Variants in TRMT11 observed in about 807,000 individuals in gnomAD.
TRMT11 encodes the protein tRNA (guanine(10)-N(2))-methyltransferase TRMT11.
Under a neutral mutation model 62.8 loss-of-function variants are expected in TRMT11, and 53 were observed. That is an observed-to-expected ratio of 0.84 (90% CI 0.68 to 1.06). TRMT11 has a LOEUF of 1.06. Among genes scored for constraint, TRMT11 ranks in the 50% least tolerant of loss-of-function variants. The pLI, the probability that TRMT11 is intolerant of heterozygous loss-of-function variation, is 0.00. For missense variants in TRMT11, 556 were observed against 553.4 expected (o/e 1.00, Z -0.05); for synonymous variants, 188 against 190.3 (o/e 0.99, Z 0.10).
downstream of TRMT11, among the ~76,000 whole-genome samples, chr6:126,206,121 C>A (rs987439279): frequency 6.6e-6 from 1 of 152,190 alleles, no homozygotes; most frequent in Non-Finnish European, 1.5e-5. Flanking sequence ...TCAAAATCTG[C>A]AGTCTAACTT....
At chr6:126,072,136 T>G (rs1051574815) in intron 17 of TRMT11, among the ~76,000 whole-genome samples, 1 of 152,180 alleles carries the variant, frequency 6.6e-6, no homozygotes, top group Non-Finnish European at 1.5e-5. Context: ...GTTAACAGCA[T>G]CTACTAGGAT....
rs370440843 is a variant in TRMT11 at position 126,121,096 on chromosome 6, C to T, written c.*1823+5241C>T. ...TGTGATCTCCCCATCCTTTGAACTT[C>T]CATGGCACACTTATATGGTGTTTTC... On this transcript the variant is annotated intron_variant and NMD_transcript_variant, in intron 21 of 22. Transcript: ENST00000648977. 3.9e-5 allele frequency among the ~76,000 whole-genome samples: 6 copies of T among 152,212 alleles called. No individual in the cohort carries two copies. The South Asian group carries it at 1.2e-3, about 31-fold the overall frequency.
intron 17 of TRMT11, among the ~76,000 whole-genome samples, chr6:126,071,108 C>A (rs561904198): frequency 1.3e-5 from 2 of 152,282 alleles, no homozygotes; most frequent in South Asian, 4.1e-4. Flanking sequence ...TCAGTTCTTT[C>A]CTTCAGAAGT....
chr6:126,092,766 T>C (rs550474551), intron 17 of TRMT11, among the ~76,000 whole-genome samples: 1 of 152,354 alleles, frequency 6.6e-6, no homozygotes, highest in African/African-American at 2.4e-5. Context: ...TTTCTAGAAA[T>C]GTCAGGAATT....
intron 17 of TRMT11, among the ~76,000 whole-genome samples, chr6:126,098,941 A>G (rs556950583): frequency 1.3e-5 from 2 of 152,312 alleles, no homozygotes; most frequent in Admixed American, 6.5e-5. Context: ...AACAAGATCC[A>G]TTAACTCCAC....
chr6:126,057,574 A>G (rs1016507085), intron 17 of TRMT11, among the ~76,000 whole-genome samples: 2 of 152,232 alleles, frequency 1.3e-5, no homozygotes, highest in African/African-American at 2.4e-5. Flanking sequence ...ATTCTGTCCA[A>G]TGAACCAAAC....
At chr6:126,146,053 T>C (rs1034459786) in intron 21 of TRMT11, among the ~76,000 whole-genome samples, 1 of 152,208 alleles carries the variant, frequency 6.6e-6, no homozygotes, top group Non-Finnish European at 1.5e-5. Context: ...TGCAGAATCC[T>C]GGGAGAACTT....
At chr6:126,176,794 C>A (rs1489855959), upstream of TRMT11, among the ~76,000 whole-genome samples, 2 of 152,028 alleles carry the variant, frequency 1.3e-5, no homozygotes, top group Non-Finnish European at 2.9e-5. Context: ...ATGATTGTTA[C>A]AATTCTTCTT....
intron 17 of TRMT11, among the ~76,000 whole-genome samples, chr6:126,071,587 G>A (rs58158424): frequency 0.17 from 25,259 of 151,744 alleles, 6,872 homozygotes; most frequent in African/African-American, 0.57. Flanking sequence ...AGATAATTCA[G>A]TGCAGGCCTG....
At chr6:126,003,233 C>A (rs1205499584) in intron 7 of TRMT11, among the ~76,000 whole-genome samples, 1 of 152,070 alleles carries the variant, frequency 6.6e-6, no homozygotes, top group Non-Finnish European at 1.5e-5. Flanking sequence ...TGGCCTGATA[C>A]AAACTTGTAA....
At chr6:126,051,608 A>T (rs1776220584) in intron 16 of TRMT11, among the ~76,000 whole-genome samples, 2 of 152,162 alleles carry the variant, frequency 1.3e-5, no homozygotes, top group Admixed American at 1.3e-4. Context: ...GTTAGAGAAC[A>T]GTGGTAGTAG....
exon 18 of TRMT11, among the ~76,000 whole-genome samples, chr6:126,112,884 C>T (rs1425158593): frequency 6.6e-6 from 1 of 151,926 alleles, no homozygotes; most frequent in Non-Finnish European, 1.5e-5. Context: ...AACCAAGTCT[C>T]CTTGAATCAG....
downstream of TRMT11, among the ~76,000 whole-genome samples, chr6:126,041,528 A>G (rs1484013645): frequency 6.6e-6 from 1 of 152,176 alleles, no homozygotes; most frequent in Non-Finnish European, 1.5e-5. Context: ...TTGCTTATCC[A>G]AAGAGATATG....
At chr6:126,243,737 A>T in the TRMT11 span, among the ~76,000 whole-genome samples, 1 of 152,152 alleles carries the variant, frequency 6.6e-6, no homozygotes, top group Non-Finnish European at 1.5e-5. Context: ...AATAATGAGA[A>T]CACATGGACA....
At chr6:126,229,709 C>T in the TRMT11 span, among the ~76,000 whole-genome samples, 87 of 152,208 alleles carry the variant, frequency 5.7e-4, 3 homozygotes, top group South Asian at 0.014. Context: ...TTGAAGGGCA[C>T]CTCTGGCTTT....
chr6:126,269,263 C>CAAA, the TRMT11 span, among the ~76,000 whole-genome samples: 141 of 68,646 alleles, frequency 2.1e-3, no homozygotes, highest in African/African-American at 4.6e-3. Context: ...GACTCCGTCT[C>CAAA]AAAAAAAAAA....
chr6:126,093,631 A>ATATATTTTTTTTTTTTT lies in TRMT11; in HGVS notation c.*1438-19234_*1438-19233insATATTTTTTTTTTTTTT, dbSNP rs1554236842. On this transcript the variant is annotated intron_variant and NMD_transcript_variant, in intron 17 of 22. Transcript: ENST00000648977. ...TATATATATATATATATATATATAT[A>ATATATTTTTTTTTTTTT]TTTTCCCCCAGTCCTGGAGGATCAA... 1.2e-4 allele frequency among the ~76,000 whole-genome samples: 12 copies of ATATATTTTTTTTTTTTT among 98,016 alleles called. 1 individual carries two copies. Among genetic ancestry groups the ATATATTTTTTTTTTTTT allele is most frequent in the African/African-American group, 5.2e-4 (12 of 22,898 alleles). 64.3% of individuals were successfully genotyped at this position (98,016 alleles called of 152,430 possible). A position where few individuals can be genotyped will look rare whatever the true frequency, so the allele number is the denominator to read the frequency against.
chr6:126,015,460 C>T (rs536437566), intron 11 of TRMT11, among the ~76,000 whole-genome samples: 2 of 152,250 alleles, frequency 1.3e-5, no homozygotes, highest in South Asian at 2.1e-4. Context: ...GATCTCCTCA[C>T]CTCTTGATCC....
Position 126,026,754 on chromosome 6 carries a change from G to A in TRMT11, c.1260+5474G>A, listed in dbSNP as rs140300145. On this transcript the variant is annotated intron_variant, in intron 12 of 12. Transcript: ENST00000334379. Reference sequence around the variant, plus strand: ...AAAGATAGTCTTTCCTTGTCCTGCTGTATAGCTAGTGTTACTTTTGGGGCC... The same window carrying A: ...AAAGATAGTCTTTCCTTGTCCTGCTATATAGCTAGTGTTACTTTTGGGGCC... Among the ~76,000 whole-genome samples, 42 of 149,552 alleles carry A rather than the reference G, an allele frequency of 2.8e-4. No individual in the cohort carries two copies. In the East Asian group the frequency reaches 6.7e-3, roughly 24 times the overall value.
Sources: gnomAD v4.1 joint callset for allele counts (sites outside exome capture counted in the v4.1 genomes callset) on GRCh38, gnomAD v4.1.1 for gene constraint, MANE v1.5 for transcripts, NCBI Gene and HGNC (gene_info 2026-07-23, HGNC 2026-07-21) for gene names.